Variants in TBC1D2B observed in about 807,000 individuals in gnomAD.
TBC1D2B encodes TBC1 domain family, member 2B.
Under a neutral mutation model 100.8 loss-of-function variants are expected in TBC1D2B, and 64 were observed. The ratio of observed to expected loss-of-function variants is 0.64; its 90% CI spans 0.52 to 0.78. The LOEUF (loss-of-function observed/expected upper bound fraction) is 0.78. TBC1D2B is among the 30% of genes least tolerant of loss of function. The pLI, the probability that TBC1D2B is intolerant of heterozygous loss-of-function variation, is 0.00. For synonymous variants in TBC1D2B, 480 were observed against 479.7 expected (o/e 1.00, Z -0.01); for missense variants, 1,052 against 1,218.4 (o/e 0.86, Z 2.03).
At chr15:78,008,381 A>C (rs546019257) in intron 10 of TBC1D2B, among the ~76,000 whole-genome samples, 6 of 152,358 alleles carry the variant, frequency 3.9e-5, no homozygotes, top group African/African-American at 1.4e-4. Context: ...TCCCAGCAGC[A>C]GGGCATGGGT....
intron 9 of TBC1D2B, among the ~76,000 whole-genome samples, chr15:78,011,326 G>T (rs1446854241): frequency 6.6e-6 from 1 of 152,160 alleles, no homozygotes; most frequent in African/African-American, 2.4e-5. Context: ...TTACCTGGAG[G>T]TCAATACCTG....
chr15:78,003,539 G>T, intron 10 of TBC1D2B, 49 bp from the exon 11 acceptor site: 1 of 1,497,476 alleles, frequency 6.7e-7, no homozygotes, highest in Admixed American at 1.8e-5. Flanking sequence ...CCAGGTCACC[G>T]GGTAAGCAGA....
chr15:78,053,854 C>A, intron 2 of TBC1D2B, 180 bp downstream of exon 2: 1 of 665,516 alleles, frequency 1.5e-6, no homozygotes, highest in Non-Finnish European at 2.4e-6. Context: ...AAGGCTGTCA[C>A]TGGGCTTGCA....
At chr15:78,060,962 T>C (rs1033239541) in intron 1 of TBC1D2B, among the ~76,000 whole-genome samples, 1 of 150,982 alleles carries the variant, frequency 6.6e-6, no homozygotes, top group Non-Finnish European at 1.5e-5. Context: ...ATAATAATAA[T>C]AGGCCAGGCA....
chr15:78,044,798 T>C (rs2073161818), intron 3 of TBC1D2B, 102 bp downstream of exon 3: 7 of 1,124,746 alleles, frequency 6.2e-6, no homozygotes, highest in Non-Finnish European at 8.7e-6. Flanking sequence ...CAAAGGCCTT[T>C]GTAAGTGTAA....
intron 3 of TBC1D2B, among the ~76,000 whole-genome samples, chr15:78,042,921 C>T (rs1596322205): frequency 1.3e-5 from 2 of 152,062 alleles, no homozygotes; most frequent in Non-Finnish European, 2.9e-5. Context: ...CAGCAAAAAG[C>T]CGATGAATGG....
At chr15:78,076,265 G>A (rs2073827410) in intron 1 of TBC1D2B, among the ~76,000 whole-genome samples, 1 of 152,152 alleles carries the variant, frequency 6.6e-6, no homozygotes, top group South Asian at 2.1e-4. Context: ...GGAGGATTAA[G>A]GGAGCCTCAA....
At chr15:78,020,071 T>C (rs2072479115) in intron 6 of TBC1D2B, among the ~76,000 whole-genome samples, 1 of 152,088 alleles carries the variant, frequency 6.6e-6, no homozygotes, top group Non-Finnish European at 1.5e-5. Flanking sequence ...TTTGTAGAGA[T>C]GAGATCTCAC....
At chr15:78,043,481 C>A (rs1210259439) in intron 3 of TBC1D2B, among the ~76,000 whole-genome samples, 5 of 152,168 alleles carry the variant, frequency 3.3e-5, no homozygotes, top group African/African-American at 1.2e-4. Context: ...CTCACTGCAG[C>A]CTCGACCTCT....
At chr15:78,020,200 A>C (rs16969408) in intron 6 of TBC1D2B, among the ~76,000 whole-genome samples, 7,780 of 152,264 alleles carry the variant, frequency 0.051, 398 homozygotes, top group African/African-American at 0.12. Context: ...TCATATTTGG[A>C]AACATTAAGC....
chr15:78,052,232 C>A (rs1413846942), intron 2 of TBC1D2B, among the ~76,000 whole-genome samples: 19 of 152,172 alleles, frequency 1.2e-4, no homozygotes, highest in Admixed American at 1.2e-3. Flanking sequence ...AGTTCCTGGC[C>A]ATCCTCCAGG....
chr15:78,041,215 T>C (rs568365280), intron 3 of TBC1D2B, among the ~76,000 whole-genome samples: 1 of 152,364 alleles, frequency 6.6e-6, no homozygotes, highest in East Asian at 1.9e-4. Flanking sequence ...TTATTTTTCC[T>C]AGAAACAACA....
intron 1 of TBC1D2B, among the ~76,000 whole-genome samples, chr15:78,074,522 A>G (rs2073797426): frequency 6.6e-6 from 1 of 152,244 alleles, no homozygotes; most frequent in African/African-American, 2.4e-5. Context: ...GATGGATAGC[A>G]TAATAGGACA....
Position 78,001,989 on chromosome 15 carries a change from A to G in TBC1D2B, c.2575-249T>C, listed in dbSNP as rs941546940. 3.5e-5 allele frequency: 10 copies of G among 287,712 alleles called. No homozygotes were observed. In the South Asian group the frequency reaches 5.5e-4, roughly 16 times the overall value. 17.8% of individuals were successfully genotyped at this position (287,712 alleles called of 1,614,324 possible). ...CCCAAACCAAAAATCTCCTTATAGG[A>G]GATCTTTGTGGAATCCTTTCATACT... On this transcript the variant is annotated intron_variant, in intron 11 of 12. Transcript: ENST00000300584.
chr15:78,026,370 G>A (rs866307669), intron 4 of TBC1D2B, among the ~76,000 whole-genome samples: 40 of 152,124 alleles, frequency 2.6e-4, no homozygotes, highest in African/African-American at 8.7e-4. Context: ...AACAAGTTTG[G>A]TCCCCTGGCT....
chr15:78,001,113 C>T (rs1016860792), intron 12 of TBC1D2B, among the ~76,000 whole-genome samples: 3 of 152,238 alleles, frequency 2.0e-5, no homozygotes, highest in African/African-American at 7.2e-5. Context: ...CCCAAACACA[C>T]GTGCCCCACA....
intron 10 of TBC1D2B, among the ~76,000 whole-genome samples, chr15:78,006,860 G>C (rs909814168): frequency 1.4e-4 from 22 of 152,238 alleles, no homozygotes; most frequent in Admixed American, 1.4e-3. Context: ...TGGGGTGCCA[G>C]GCATACAGGA....
intron 4 of TBC1D2B, among the ~76,000 whole-genome samples, chr15:78,028,200 C>A (rs2072720234): frequency 6.6e-6 from 1 of 152,184 alleles, no homozygotes. Flanking sequence ...TGTGGCCAGG[C>A]ACGGTGGCTC....
Position 78,040,441 on chromosome 15 carries a change from C to T in TBC1D2B, c.683+4459G>A, listed in dbSNP as rs537193032. Among the ~76,000 whole-genome samples the T allele has an allele frequency of 2.0e-5, 3 of 151,950 alleles. No homozygotes were observed. The South Asian group carries it at 6.2e-4, about 32-fold the overall frequency. On this transcript the variant is annotated intron_variant, in intron 3 of 12. Transcript: ENST00000300584. ...ACACGTGCCTAAATTTCCAGCTACT[C>T]GGGGGGCTGAGGTGTGAGGATCACT...
Sources: gnomAD v4.1 joint callset for allele counts (sites outside exome capture counted in the v4.1 genomes callset) on GRCh38, gnomAD v4.1.1 for gene constraint, MANE v1.5 for transcripts, NCBI Gene and HGNC (gene_info 2026-07-23, HGNC 2026-07-21) for gene names.